The following KCNQ5 variants were observed in gnomAD, a reference collection of about 807,000 sequenced individuals.
The protein encoded by KCNQ5 is potassium voltage-gated channel subfamily Q member 5, also known as potassium voltage-gated channel subfamily KQT member 5.
KCNQ5 carries 30 observed loss-of-function variants against 98.2 expected under a neutral mutation model. The ratio of observed to expected loss-of-function variants is 0.31; its 90% CI spans 0.23 to 0.41. The LOEUF (loss-of-function observed/expected upper bound fraction) is 0.41, where lower values mean the gene tolerates loss of function less well. Ranked by LOEUF, KCNQ5 falls within the 10% of genes least tolerant of loss-of-function variation. KCNQ5 has a pLI of 1.00. For synonymous variants in KCNQ5, 458 were observed against 449.4 expected (o/e 1.02, Z -0.24); for missense variants, 835 against 1,182.5 (o/e 0.71, Z 4.31).
chr6:72,794,722 T>A (rs1386287084), intron 1 of KCNQ5, among the ~76,000 whole-genome samples: 1 of 152,162 alleles, frequency 6.6e-6, no homozygotes, highest in East Asian at 1.9e-4. Context: ...TCTTTTTTTA[T>A]TGACCCGAAT....
chr6:73,161,703 C>G (rs1357183928), intron 10 of KCNQ5, among the ~76,000 whole-genome samples: 1 of 152,198 alleles, frequency 6.6e-6, no homozygotes, highest in Admixed American at 6.5e-5. Context: ...ACCTGTCCTT[C>G]TTCCATAAAT....
At chr6:72,906,218 A>G (rs1468548322) in intron 1 of KCNQ5, among the ~76,000 whole-genome samples, 2 of 152,140 alleles carry the variant, frequency 1.3e-5, no homozygotes, top group African/African-American at 4.8e-5. Context: ...CTTCCACACA[A>G]TCTGAAGGGC....
intron 1 of KCNQ5, among the ~76,000 whole-genome samples, chr6:72,763,612 G>T (rs1278902651): frequency 6.6e-6 from 1 of 151,944 alleles, no homozygotes; most frequent in Non-Finnish European, 1.5e-5. Flanking sequence ...TATGTTATGA[G>T]TACAAAGGTG....
In KCNQ5 at chr6:73,147,821, C is replaced by T. The variant is rs11962533; in HGVS notation, c.1468+14180C>T. The stretch of plus-strand genomic sequence containing the variant: ...AAATGAGAGGCATCACAGAGGCAAA[C>T]GGTATGACATTATTAAAATCGTTAT... On this transcript the variant is annotated intron_variant, in intron 10 of 13. Transcript: ENST00000370398. 1.3e-5 allele frequency among the ~76,000 whole-genome samples: 2 copies of T among 151,812 alleles called. 1 individual carries two copies. The highest frequency in any genetic ancestry group is 2.9e-5 in the Non-Finnish European group (2 of 67,962).
At chr6:72,813,918 G>A (rs2150107347) in intron 1 of KCNQ5, among the ~76,000 whole-genome samples, 1 of 152,202 alleles carries the variant, frequency 6.6e-6, no homozygotes, top group Admixed American at 6.5e-5. Context: ...GTACCCTGTT[G>A]TACTCCTTGG....
chr6:73,195,383 C>G lies in KCNQ5; in HGVS notation c.2768C>G (p.Ala923Gly), dbSNP rs1765752832. 6.2e-7 allele frequency: 1 copy of G among 1,613,600 alleles called. No individual in the cohort carries two copies. Residue 923 changes from alanine (A) to glycine (G), a missense_variant, in exon 14 of 14, where the codon GCC becomes GGC. Transcript: ENST00000370398. ...TGTAAGGCAGGAGAAAGTACAGATG[C>G]CCTCAGCTTGCCTCATGTCAAACTG... The part of the protein sequence containing the change: ...SICKAGESTD[A>G]LSLPHVKLK
intron 1 of KCNQ5, among the ~76,000 whole-genome samples, chr6:72,729,641 C>T (rs747766631): frequency 2.0e-5 from 3 of 152,126 alleles, no homozygotes; most frequent in Non-Finnish European, 4.4e-5. Context: ...GTACTTACTC[C>T]CACCAATAAT....
chr6:72,796,381 T>A (rs9341388), intron 1 of KCNQ5, among the ~76,000 whole-genome samples: 1 of 152,022 alleles, frequency 6.6e-6, no homozygotes, highest in Admixed American at 6.6e-5. Flanking sequence ...GATGTAGGTG[T>A]TGTATTTCAA....
chr6:72,977,450 A>C (rs7764554), intron 1 of KCNQ5, among the ~76,000 whole-genome samples: 1 of 152,122 alleles, frequency 6.6e-6, no homozygotes, highest in African/African-American at 2.4e-5. Context: ...TCTTGTGAGG[A>C]TCTTAAAAGC....
chr6:72,997,385 A>G (rs1179097712), intron 1 of KCNQ5, among the ~76,000 whole-genome samples: 1 of 152,050 alleles, frequency 6.6e-6, no homozygotes, highest in African/African-American at 2.4e-5. Flanking sequence ...GCAAGCAGAA[A>G]CCACAGTTTC....
intron 1 of KCNQ5, among the ~76,000 whole-genome samples, chr6:72,864,753 T>TA (rs942894750): frequency 9.9e-4 from 147 of 149,154 alleles, no homozygotes; most frequent in African/African-American, 1.4e-3. Context: ...GCTACAAACT[T>TA]AAAAAAAAAA....
intron 5 of KCNQ5, among the ~76,000 whole-genome samples, chr6:73,088,043 A>G (rs1289944134): frequency 1.6e-5 from 2 of 124,282 alleles, no homozygotes; most frequent in Non-Finnish European, 3.3e-5. Flanking sequence ...TTTTTTCCAG[A>G]TGGAGTTTCA....
intron 5 of KCNQ5, among the ~76,000 whole-genome samples, chr6:73,085,395 G>T (rs917323210): frequency 2.0e-5 from 3 of 152,120 alleles, no homozygotes; most frequent in African/African-American, 7.2e-5. Context: ...GGACAAAACT[G>T]CCACCCTGTT....
chr6:72,985,404 C>T (rs1354506606), intron 1 of KCNQ5, among the ~76,000 whole-genome samples: 1 of 152,110 alleles, frequency 6.6e-6, no homozygotes, highest in African/African-American at 2.4e-5. Context: ...GAGCTGAAAA[C>T]CAGATAAACC....
intron 1 of KCNQ5, chr6:72,630,658 T>C (rs1270465289): frequency 1.3e-5 from 2 of 152,184 alleles, no homozygotes; most frequent in African/African-American, 2.4e-5. Context: ...AAATAAAATA[T>C]TACTTCAAGG....
At chr6:73,052,468 A>AAC (rs1772288627) in intron 3 of KCNQ5, among the ~76,000 whole-genome samples, 2 of 152,186 alleles carry the variant, frequency 1.3e-5, no homozygotes, top group African/African-American at 4.8e-5. Flanking sequence ...CAAAACAAAA[A>AAC]ATGTTAACAG....
intron 1 of KCNQ5, among the ~76,000 whole-genome samples, chr6:72,697,028 A>G (rs1217556641): frequency 1.3e-5 from 2 of 152,148 alleles, no homozygotes; most frequent in African/African-American, 4.8e-5. Context: ...CTTTAATTTC[A>G]TATCTTGTCA....
At chr6:73,047,380 G>T (rs1772015837) in intron 3 of KCNQ5, among the ~76,000 whole-genome samples, 1 of 152,192 alleles carries the variant, frequency 6.6e-6, no homozygotes, top group African/African-American at 2.4e-5. Flanking sequence ...TTCAGTTGTT[G>T]TTATCATGAG....
intron 1 of KCNQ5, among the ~76,000 whole-genome samples, chr6:72,829,768 A>C (rs1040596889): frequency 2.6e-5 from 4 of 152,184 alleles, no homozygotes; most frequent in African/African-American, 7.2e-5. Context: ...GAATGAATAG[A>C]TGTTTGAGAC....
Sources: gnomAD v4.1 joint callset for allele counts (sites outside exome capture counted in the v4.1 genomes callset) on GRCh38, gnomAD v4.1.1 for gene constraint, MANE v1.5 for transcripts, NCBI Gene and HGNC (gene_info 2026-07-23, HGNC 2026-07-21) for gene names.